NTRK3: variants seen among roughly 807,000 people sequenced by gnomAD.
NTRK3 encodes the protein NT-3 growth factor receptor.
Under a neutral mutation model 91.7 loss-of-function variants are expected in NTRK3, and 24 were observed. That is an observed-to-expected ratio of 0.26 (90% CI 0.19 to 0.37). The LOEUF is 0.37. Ranked by LOEUF, NTRK3 falls within the 10% of genes least tolerant of loss-of-function variation. The probability of loss-of-function intolerance (pLI) is 1.00; values close to 1 mark genes in which losing one functional copy is unlikely to be tolerated. For synonymous variants in NTRK3, 483 were observed against 404.0 expected, an observed-to-expected ratio of 1.20 and a Z score of -2.34; for missense variants, 880 against 1,068.9, an observed-to-expected ratio of 0.82 and a Z score of 2.46.
At chr15:87,948,795 T>A (rs2070818581) in intron 14 of NTRK3, among the ~76,000 whole-genome samples, 1 of 152,262 alleles carries the variant, frequency 6.6e-6, no homozygotes, top group Non-Finnish European at 1.5e-5. Context: ...TTGTTCCTGT[T>A]GCTGCCCTGG....
At chr15:87,907,699 T>A (rs896249630) in intron 17 of NTRK3, among the ~76,000 whole-genome samples, 4 of 152,130 alleles carry the variant, frequency 2.6e-5, no homozygotes, top group African/African-American at 9.7e-5. Flanking sequence ...AGTAGGTGAA[T>A]TCTGTGGTTC....
intron 13 of NTRK3, among the ~76,000 whole-genome samples, chr15:88,090,450 G>C (rs1156311616): frequency 6.6e-6 from 1 of 152,174 alleles, no homozygotes; most frequent in African/African-American, 2.4e-5. Flanking sequence ...AGGCAACGTA[G>C]ATAAGCATTC....
At chr15:88,092,579 G>A (rs1289436936) in intron 13 of NTRK3, among the ~76,000 whole-genome samples, 1 of 152,164 alleles carries the variant, frequency 6.6e-6, no homozygotes, top group East Asian at 1.9e-4. Context: ...CATTTCTTAT[G>A]GCTGCTGTAA....
intron 13 of NTRK3, among the ~76,000 whole-genome samples, chr15:88,104,923 C>T (rs145888122): frequency 2.6e-5 from 4 of 152,320 alleles, no homozygotes; most frequent in Admixed American, 6.5e-5. Flanking sequence ...TCTGCTTCTG[C>T]GAGTTGGGCT....
chr15:87,996,753 A>G (rs943670332), intron 14 of NTRK3, among the ~76,000 whole-genome samples: 1 of 152,224 alleles, frequency 6.6e-6, no homozygotes, highest in Non-Finnish European at 1.5e-5. Context: ...ATGGCAGCAC[A>G]CAGAGGAGCT....
intron 14 of NTRK3, among the ~76,000 whole-genome samples, chr15:87,981,986 A>G (rs539585170): frequency 2.2e-4 from 34 of 152,128 alleles, no homozygotes; most frequent in East Asian, 1.4e-3. Flanking sequence ...CTATAAAGAG[A>G]TATCATTGTA....
intron 5 of NTRK3, among the ~76,000 whole-genome samples, chr15:88,161,249 C>A (rs2044426921): frequency 6.6e-6 from 1 of 152,264 alleles, no homozygotes; most frequent in Middle Eastern, 3.4e-3. Flanking sequence ...CTCTGTTTTA[C>A]AGAGAGGAGA....
intron 14 of NTRK3, among the ~76,000 whole-genome samples, chr15:88,015,132 A>C (rs2077138417): frequency 6.6e-6 from 1 of 152,108 alleles, no homozygotes; most frequent in African/African-American, 2.4e-5. Flanking sequence ...CTGTCCCTAA[A>C]TTCAGAGAGA....
intron 17 of NTRK3, chr15:87,916,430 C>A: frequency 1.5e-6 from 1 of 684,402 alleles, no homozygotes; most frequent in South Asian, 1.5e-5. Flanking sequence ...ATTCAATGGT[C>A]TCCTTCAGCC....
chr15:87,945,818 A>C (rs57103916), intron 14 of NTRK3, among the ~76,000 whole-genome samples: 7 of 143,478 alleles, frequency 4.9e-5, no homozygotes, highest in African/African-American at 8.8e-5. Context: ...AAAAAAAAAA[A>C]AAAAAAAAAA....
intron 13 of NTRK3, among the ~76,000 whole-genome samples, chr15:88,069,627 G>A (rs2046940942): frequency 6.6e-6 from 1 of 152,314 alleles, no homozygotes; most frequent in East Asian, 1.9e-4. Context: ...ATCCAGAGAT[G>A]CCCAGGCCTG....
chr15:88,214,404 G>T (rs1028511666), intron 3 of NTRK3, among the ~76,000 whole-genome samples: 5 of 152,146 alleles, frequency 3.3e-5, no homozygotes, highest in African/African-American at 1.2e-4. Context: ...CCCTCTGCGT[G>T]TGGCTGGGTC....
intron 3 of NTRK3, among the ~76,000 whole-genome samples, chr15:88,221,145 T>C (rs1289518326): frequency 6.6e-5 from 10 of 152,228 alleles, no homozygotes; most frequent in African/African-American, 2.2e-4. Context: ...GGTTATAAAG[T>C]AATACAGACG....
At chr15:88,252,358 A>G (rs2053490201) in intron 3 of NTRK3, among the ~76,000 whole-genome samples, 4 of 152,194 alleles carry the variant, frequency 2.6e-5, no homozygotes, top group Admixed American at 2.6e-4. Flanking sequence ...TCCTTCAGCC[A>G]GCCAGAAGAG....
chr15:88,074,118 G>A (rs2047333364), intron 13 of NTRK3, among the ~76,000 whole-genome samples: 1 of 152,204 alleles, frequency 6.6e-6, no homozygotes. Context: ...CAAGCTTAAT[G>A]TACACCATTG....
chr15:87,928,284 T>A (rs533956299), intron 17 of NTRK3: 1 of 152,156 alleles, frequency 6.6e-6, no homozygotes, highest in Non-Finnish European at 1.5e-5. Flanking sequence ...CAGCCTTGGA[T>A]CTTCTGTATT....
At chr15:87,887,551 C>T (rs1005507793) in intron 17 of NTRK3, among the ~76,000 whole-genome samples, 1 of 152,146 alleles carries the variant, frequency 6.6e-6, no homozygotes, top group African/African-American at 2.4e-5. Flanking sequence ...TCTTTATATG[C>T]TACTGTGCAG....
intron 14 of NTRK3, among the ~76,000 whole-genome samples, chr15:87,947,169 G>A (rs575757153): frequency 2.0e-5 from 3 of 152,018 alleles, no homozygotes; most frequent in African/African-American, 4.8e-5. Context: ...ATCAGCCACC[G>A]TGCCCGGCCC....
intron 5 of NTRK3, among the ~76,000 whole-genome samples, chr15:88,159,613 G>A (rs2044245588): frequency 6.6e-6 from 1 of 152,156 alleles, no homozygotes. Flanking sequence ...CCCTAAAGAA[G>A]TAGACAATCG....
Sources: allele counts gnomAD v4.1 joint callset (sites outside exome capture counted in the v4.1 genomes callset), GRCh38; gene constraint gnomAD v4.1.1; transcripts MANE v1.5; gene names NCBI Gene and HGNC (gene_info 2026-07-23, HGNC 2026-07-21).